MAGI3: variants seen among roughly 807,000 people sequenced by gnomAD.
The protein encoded by MAGI3 is membrane associated guanylate kinase, WW and PDZ domain containing 3.
A neutral mutation model predicts 121.8 loss-of-function variants in MAGI3; 43 were observed. That is an observed-to-expected ratio of 0.35 (90% confidence interval 0.28 to 0.46). The LOEUF (loss-of-function observed/expected upper bound fraction) is 0.46. Ranked by LOEUF, MAGI3 falls within the 20% of genes least tolerant of loss-of-function variation. The pLI, the probability that MAGI3 is intolerant of heterozygous loss-of-function variation, is 1.00. For missense variants in MAGI3, 1,547 were observed against 1,797.3 expected (o/e 0.86, Z 2.52); for synonymous variants, 553 against 639.3 (o/e 0.86, Z 2.04).
intron 1 of MAGI3, among the ~76,000 whole-genome samples, chr1:113,516,390 C>CAAAAAAAAAAAAAA (rs60186333): frequency 4.2e-5 from 3 of 70,994 alleles, no homozygotes; most frequent in Non-Finnish European, 5.0e-5. Flanking sequence ...GAAGTTCTCA[C>CAAAAAAAAAAAAAA]AAAAAAAAAA....
chr1:113,406,662 C>T (rs1018960341), intron 1 of MAGI3, among the ~76,000 whole-genome samples: 2 of 151,926 alleles, frequency 1.3e-5, no homozygotes, highest in African/African-American at 4.8e-5. Context: ...CTTATAGTCC[C>T]AGCTACTCAT....
chr1:113,617,788 A>T lies in MAGI3; in HGVS notation c.1077-1948A>T, dbSNP rs190309494. ...ATATGTAAAATATCAGTACCTAAATAAATTTTTTAAAGTAGTTCCTAGGAT... is the reference window on the plus strand; with the variant it reads ...ATATGTAAAATATCAGTACCTAAATTAATTTTTTAAAGTAGTTCCTAGGAT... On this transcript the variant is annotated intron_variant, in intron 7 of 20. Coordinates refer to ENST00000307546, the MANE Select transcript of MAGI3 (RefSeq NM_001142782.2). Among the ~76,000 whole-genome samples, 247 of 152,344 alleles carry T rather than the reference A, an allele frequency of 1.6e-3. 1 individual carries two copies. The highest frequency in any genetic ancestry group is 3.1e-3 in the Admixed American group (48 of 15,304).
In MAGI3 at chr1:113,472,734, T is replaced by TTG. The variant is rs35390645; in HGVS notation, c.317-76757_317-76756dup. ...TACTGATATTGTGTATCTACTACAG[T>TTG]TGTGTGTGTGTGTGTGTGTGTGTGT... On this transcript the variant is annotated intron_variant, in intron 1 of 20. Coordinates refer to ENST00000307546, the MANE Select transcript of MAGI3 (RefSeq NM_001142782.2). Among the ~76,000 whole-genome samples the TTG allele has an allele frequency of 1.9e-3, 259 of 139,336 alleles. 1 individual carries two copies. The highest frequency in any genetic ancestry group is 0.015 in the East Asian group (50 of 3,240). 91.4% of individuals were successfully genotyped at this position (139,336 alleles called of 152,430 possible).
At chr1:113,633,650 G>A (rs1651810791) in intron 9 of MAGI3, among the ~76,000 whole-genome samples, 3 of 152,160 alleles carry the variant, frequency 2.0e-5, no homozygotes, top group Admixed American at 6.5e-5. Flanking sequence ...GGACATTTGG[G>A]TTGGTTCCAA....
Position 113,399,757 on chromosome 1 carries a change from A to G in MAGI3, c.316+8408A>G, listed in dbSNP as rs891942301. Reference sequence around the variant, plus strand: ...TGCTGTTGATTTTTAGGGAGATGGAATACTTTGGAAGATTAACAGTCTTTG... The same window carrying G: ...TGCTGTTGATTTTTAGGGAGATGGAGTACTTTGGAAGATTAACAGTCTTTG... On this transcript the variant is annotated intron_variant, in intron 1 of 20. Coordinates refer to ENST00000307546, the MANE Select transcript of MAGI3 (RefSeq NM_001142782.2). Among the ~76,000 whole-genome samples, 4 of 152,150 alleles carry G rather than the reference A, an allele frequency of 2.6e-5. No individual in the cohort carries two copies. In the South Asian group the frequency reaches 6.2e-4, roughly 24 times the overall value.
At chr1:113,476,299 T>C (rs1354652842) in intron 1 of MAGI3, among the ~76,000 whole-genome samples, 4 of 152,218 alleles carry the variant, frequency 2.6e-5, no homozygotes, top group Admixed American at 6.5e-5. Flanking sequence ...CTCTAGTTCT[T>C]TTAATTGTGA....
At chr1:113,524,784 G>A (rs1461157385) in intron 1 of MAGI3, among the ~76,000 whole-genome samples, 1 of 152,030 alleles carries the variant, frequency 6.6e-6, no homozygotes, top group African/African-American at 2.4e-5. Context: ...TAGAAGACAT[G>A]ATTGGTTTTG....
chr1:113,416,012 T>C (rs199548276), intron 1 of MAGI3, among the ~76,000 whole-genome samples: 15,583 of 109,906 alleles, frequency 0.14, 1,792 homozygotes, highest in East Asian at 0.62. Context: ...TTACATATAT[T>C]AATTATGTAA....
chr1:113,663,673 T>C (rs1653901440), intron 16 of MAGI3, among the ~76,000 whole-genome samples: 1 of 152,278 alleles, frequency 6.6e-6, no homozygotes, highest in Admixed American at 6.5e-5. Flanking sequence ...GTTTTATAGG[T>C]TTTTGTGTTG....
chr1:113,490,787 A>G (rs944793578), intron 1 of MAGI3, among the ~76,000 whole-genome samples: 5 of 152,204 alleles, frequency 3.3e-5, no homozygotes, highest in Non-Finnish European at 7.4e-5. Context: ...AAAGACAAAG[A>G]AGGGCATTAC....
chr1:113,584,156 G>A (rs1648217219), intron 3 of MAGI3, among the ~76,000 whole-genome samples: 1 of 152,020 alleles, frequency 6.6e-6, no homozygotes, highest in Admixed American at 6.6e-5. Context: ...AATTTGATTA[G>A]AAAATATGAT....
intron 9 of MAGI3, among the ~76,000 whole-genome samples, chr1:113,630,039 G>T (rs1410382677): frequency 6.6e-6 from 1 of 152,064 alleles, no homozygotes; most frequent in Non-Finnish European, 1.5e-5. Context: ...CTTCAGGATG[G>T]TGAGTTTCCC....
At chr1:113,682,287 T>C (rs754984154) in intron 20 of MAGI3, 16 of 1,600,702 alleles carry the variant, frequency 1.0e-5, no homozygotes, top group Non-Finnish European at 1.3e-5. Flanking sequence ...TCTTGGTCTT[T>C]CCTTAAAAAG....
intron 1 of MAGI3, among the ~76,000 whole-genome samples, chr1:113,464,902 C>G (rs1001682015): frequency 6.6e-6 from 1 of 152,076 alleles, no homozygotes; most frequent in African/African-American, 2.4e-5. Context: ...TTATTAATCC[C>G]TTGTCATATG....
chr1:113,675,262 G>A (rs899930452), intron 19 of MAGI3, among the ~76,000 whole-genome samples: 1 of 152,140 alleles, frequency 6.6e-6, no homozygotes, highest in Non-Finnish European at 1.5e-5. Context: ...GAATGGTAAC[G>A]CTTTGGATGG....
chr1:113,623,496 A>AT (rs56058691), intron 9 of MAGI3, among the ~76,000 whole-genome samples: 5,913 of 45,286 alleles, frequency 0.13, 161 homozygotes, highest in Middle Eastern at 0.17. Context: ...ACATATATAT[A>AT]TTTTTTTTTG....
intron 7 of MAGI3, among the ~76,000 whole-genome samples, chr1:113,618,960 A>T (rs1415504513): frequency 6.6e-6 from 1 of 152,248 alleles, no homozygotes; most frequent in African/African-American, 2.4e-5. Flanking sequence ...AACTCCACTT[A>T]ACTGGCTTGC....
chr1:113,641,823 G>T (rs909459423), intron 9 of MAGI3, 88 bp from the exon 10 acceptor site: 1 of 1,246,312 alleles, frequency 8.0e-7, no homozygotes, highest in Non-Finnish European at 1.1e-6. Context: ...AAATTTAGTT[G>T]CTAAATTGTA....
chr1:113,546,949 G>T (rs1659561468), intron 1 of MAGI3, among the ~76,000 whole-genome samples: 1 of 152,012 alleles, frequency 6.6e-6, no homozygotes, highest in African/African-American at 2.4e-5. Flanking sequence ...CAGGCATGGT[G>T]GCGGGCGCCT....
Sources: allele counts gnomAD v4.1 joint callset (sites outside exome capture counted in the v4.1 genomes callset), GRCh38; gene constraint gnomAD v4.1.1; transcripts MANE v1.5; gene names NCBI Gene and HGNC (gene_info 2026-07-23, HGNC 2026-07-21).